The following HPS4 variants were observed in gnomAD, a reference collection of about 807,000 sequenced individuals.
HPS4 encodes the protein BLOC-3 complex member HPS4.
HPS4 carries 44 observed loss-of-function variants against 70.3 expected under a neutral mutation model. The observed-to-expected ratio is 0.63, with a 90% confidence interval of 0.49 to 0.80. The LOEUF is 0.80. HPS4 is among the 30% of genes least tolerant of loss of function. The probability of loss-of-function intolerance (pLI) is 0.00; values close to 1 mark genes in which losing one functional copy is unlikely to be tolerated. For synonymous variants in HPS4, 377 were observed against 355.9 expected, an observed-to-expected ratio of 1.06 and a Z score of -0.67; for missense variants, 873 against 884.4, an observed-to-expected ratio of 0.99 and a Z score of 0.16.
intron 3 of HPS4, among the ~76,000 whole-genome samples, chr22:26,478,982 C>T (rs1017674898): frequency 3.9e-5 from 6 of 152,058 alleles, no homozygotes; most frequent in Non-Finnish European, 8.8e-5. Flanking sequence ...CCGTGCCCAG[C>T]AGAATAATAA....
At chr22:26,466,030 T>C in intron 9 of HPS4, 196 bp downstream of exon 9, 1 of 1,524,094 alleles carries the variant, frequency 6.6e-7, no homozygotes, top group Non-Finnish European at 8.8e-7. Flanking sequence ...TTTGACAGCA[T>C]GCCTAAAATC....
In HPS4 at chr22:26,453,414, GAAGA is replaced by G. The variant is rs2085535329; in HGVS notation, c.1956-14_1956-11del. ...AGCCGTGGAGGCATTTCTGTTGGAG[GAAGA>G]AAGAAGGCAACGGTCCAATGCTGCT... On this transcript the variant is annotated splice_polypyrimidine_tract_variant and intron_variant, in intron 13 of 13. Transcript: ENST00000398145. The G allele has an allele frequency of 6.2e-7, 1 of 1,613,576 alleles. No individual in the cohort carries two copies. Among genetic ancestry groups the G allele is most frequent in the Non-Finnish European group, 8.5e-7 (1 of 1,180,000 alleles).
chr22:26,473,071 T>C (rs1448077474), intron 4 of HPS4, 132 bp from the exon 5 acceptor site: 2 of 744,916 alleles, frequency 2.7e-6, no homozygotes, highest in Non-Finnish European at 4.8e-6. Context: ...TGTCCCTGAG[T>C]CCACACCCTT....
chr22:26,449,716 T>C (rs2085078557), downstream of HPS4, among the ~76,000 whole-genome samples: 1 of 152,178 alleles, frequency 6.6e-6, no homozygotes, highest in South Asian at 2.1e-4. Flanking sequence ...CTCCGTGCTC[T>C]GTGGCTCGGC....
In HPS4 at chr22:26,479,345, A is replaced by G; in HGVS notation, c.52T>C (p.Phe18Leu). The change falls in exon 3 of 14, where the codon TTT (phenylalanine) becomes CTT (leucine). Residue 18 changes from phenylalanine (F) to leucine (L), a missense_variant. Physicochemically the swap from Phe to Leu is conservative, Grantham distance 22. Coordinates refer to ENST00000398145, the MANE Select transcript of HPS4 (RefSeq NM_022081.6). Reference sequence around the variant, plus strand: ...ACCTTGGAACCATCATAAAGAAAAAAATAATTCCACCTGGCAAGAGAACAG... The same window carrying G: ...ACCTTGGAACCATCATAAAGAAAAAGATAATTCCACCTGGCAAGAGAACAG... ...EAKSASWWNY[F>L]FLYDGSKVKE... is the part of the protein sequence containing the mutation. 6.2e-7 allele frequency: 1 copy of G among 1,614,136 alleles called. No individual in the cohort carries two copies. Among genetic ancestry groups the G allele is most frequent in the African/African-American group, 1.3e-5 (1 of 75,042 alleles).
In HPS4 at chr22:26,453,319, C is replaced by T. The variant is rs149568178; in HGVS notation, c.2041G>A (p.Gly681Ser). Residue 681 changes from glycine (G) to serine (S), a missense_variant, in exon 14 of 14, where the codon GGC becomes AGC. Gly to Ser is a moderately conservative substitution (Grantham distance 56, BLOSUM62 0). Coordinates refer to ENST00000398145, the MANE Select transcript of HPS4 (RefSeq NM_022081.6). ...QQLAPAARSS[G>S]FPNPQDGAFS... ...GCGCCATCCTGAGGGTTTGGGAAGC[C>T]GGAGCTCCGTGCTGCAGGTGCCAGC... 139 of 1,614,146 alleles carry T rather than the reference C, an allele frequency of 8.6e-5. No homozygotes were observed. The highest frequency in any genetic ancestry group is 1.1e-4 in the Non-Finnish European group (124 of 1,180,038).
chr22:26,472,976 TTC>T, intron 4 of HPS4, 37 bp from the exon 5 acceptor site: 1 of 1,584,712 alleles, frequency 6.3e-7, no homozygotes, highest in African/African-American at 1.3e-5. Flanking sequence ...AGCATCTTCC[TTC>T]TCTTTGAGTC....
At chr22:26,466,293 T>C in intron 8 of HPS4, 31 bp from the exon 9 acceptor site, 1 of 1,612,990 alleles carries the variant, frequency 6.2e-7, no homozygotes, top group South Asian at 1.1e-5. Context: ...AAGTTGGCGC[T>C]GGGCACCACA....
chr22:26,449,545 G>C (rs897620852), downstream of HPS4, among the ~76,000 whole-genome samples: 14 of 151,914 alleles, frequency 9.2e-5, no homozygotes, highest in African/African-American at 3.4e-4. Context: ...TGGCCAGGCT[G>C]GTCTTGAACT....
chr22:26,472,531 G>A lies in HPS4; in HGVS notation c.385-113C>T, dbSNP rs966699251. The A allele has an allele frequency of 1.1e-5, 9 of 824,250 alleles. No individual in the cohort carries two copies. In the Admixed American group the frequency reaches 1.6e-4, roughly 14 times the overall value. The allele number at this position is 824,250 out of a possible 1,614,324, so 51.1% of individuals were successfully genotyped here. A position where few individuals can be genotyped will look rare whatever the true frequency, so the allele number is the denominator to read the frequency against. ...CTCACACAGGAAACTGACCGGAAGG[G>A]AGGACCTGTTTTAAACCTATCCCAT... On this transcript the variant is annotated intron_variant, in intron 5 of 13. Coordinates refer to ENST00000398145, the MANE Select transcript of HPS4 (RefSeq NM_022081.6).
chr22:26,480,960 T>C (rs933034762), intron 2 of HPS4, among the ~76,000 whole-genome samples: 2 of 152,092 alleles, frequency 1.3e-5, no homozygotes, highest in Non-Finnish European at 2.9e-5. Flanking sequence ...CTTGGTCTCT[T>C]GGCACTGTCC....
chr22:26,452,825 G>T lies in HPS4; in HGVS notation c.*408C>A, dbSNP rs2085429928. 1 of 271,562 alleles carries T rather than the reference G, an allele frequency of 3.7e-6. No individual in the cohort carries two copies. The highest frequency in any genetic ancestry group is 7.2e-6 in the Non-Finnish European group (1 of 139,024). The allele number at this position is 271,562 out of a possible 1,614,324, so 16.8% of individuals were successfully genotyped here. ...GCAGTCACACCGCCTACCACCACCT[G>T]GTGTGGGGGTTGAACACACACACTC... On this transcript the variant is annotated 3_prime_UTR_variant, in exon 14 of 14. Coordinates refer to ENST00000398145, the MANE Select transcript of HPS4 (RefSeq NM_022081.6).
intron 9 of HPS4, chr22:26,465,920 T>C (rs2088497390): frequency 5.4e-6 from 4 of 735,128 alleles, no homozygotes; most frequent in South Asian, 5.1e-5. Context: ...AAGGTCTTTC[T>C]GGCAGTCGCT....
intron 13 of HPS4, chr22:26,454,080 G>T (rs1433516830): frequency 6.5e-6 from 1 of 153,388 alleles, no homozygotes; most frequent in African/African-American, 2.4e-5. Context: ...TCTGGATCCT[G>T]CCTCTCCAAC....
chr22:26,479,841 G>A (rs1283140848), intron 2 of HPS4, among the ~76,000 whole-genome samples: 2 of 152,296 alleles, frequency 1.3e-5, no homozygotes, highest in East Asian at 1.9e-4. Context: ...TGTGCTCCGC[G>A]GTTGCTGAGC....
In HPS4 at chr22:26,468,462, G is replaced by A. The variant is rs1233180278; in HGVS notation, c.669+89C>T. 2.2e-5 allele frequency: 25 copies of A among 1,133,070 alleles called. 1 individual carries two copies. In the South Asian group the frequency reaches 2.6e-4, roughly 12 times the overall value. 70.2% of individuals were successfully genotyped at this position (1,133,070 alleles called of 1,614,324 possible). Reference sequence around the variant, plus strand: ...AGACCAAGTGAAACAACTGCTCCACGGCCTCTGCTCCTGATCCCTCCAGCC... The same window carrying A: ...AGACCAAGTGAAACAACTGCTCCACAGCCTCTGCTCCTGATCCCTCCAGCC... On this transcript the variant is annotated intron_variant, in intron 8 of 13. Transcript: ENST00000398145.
chr22:26,456,155 C>T (rs1303823159), intron 13 of HPS4, among the ~76,000 whole-genome samples: 1 of 152,224 alleles, frequency 6.6e-6, no homozygotes, highest in East Asian at 1.9e-4. Flanking sequence ...TAATCACCCA[C>T]CCAGGCTCCC....
downstream of HPS4, among the ~76,000 whole-genome samples, chr22:26,446,074 T>C (rs1269173301): frequency 3.3e-5 from 5 of 152,114 alleles, no homozygotes; most frequent in Non-Finnish European, 5.9e-5. Flanking sequence ...CAAGTGTGCA[T>C]TGCCAGCTAG....
At chr22:26,467,747 A>C (rs2088944203) in intron 8 of HPS4, 1 of 152,206 alleles carries the variant, frequency 6.6e-6, no homozygotes, top group Non-Finnish European at 1.5e-5. Context: ...CTGGAAGGAG[A>C]TATGCCAGAT....
Sources: gnomAD v4.1 joint callset for allele counts (sites outside exome capture counted in the v4.1 genomes callset) on GRCh38, gnomAD v4.1.1 for gene constraint, MANE v1.5 for transcripts, NCBI Gene and HGNC (gene_info 2026-07-23, HGNC 2026-07-21) for gene names.